OXCT1: variants seen among roughly 807,000 people sequenced by gnomAD.
OXCT1 encodes the protein succinyl-CoA:3-ketoacid coenzyme A transferase 1, mitochondrial.
In OXCT1, 27 loss-of-function variants were observed where a neutral mutation model predicts 69.6. That is an observed-to-expected ratio of 0.39 (90% CI 0.29 to 0.54). The LOEUF is 0.54. Ranked by LOEUF, OXCT1 falls within the 20% of genes least tolerant of loss-of-function variation. The probability of loss-of-function intolerance (pLI) is 0.72; values close to 1 mark genes in which losing one functional copy is unlikely to be tolerated. For missense variants in OXCT1, 437 were observed against 650.2 expected (o/e 0.67, Z 3.57); for synonymous variants, 202 against 217.8 (o/e 0.93, Z 0.64).
intron 7 of OXCT1, among the ~76,000 whole-genome samples, chr5:41,809,149 C>A (rs891305517): frequency 6.6e-6 from 1 of 151,766 alleles, no homozygotes. Context: ...TATAGAAATG[C>A]ACTTTGGGAT....
chr5:41,850,217 G>A (rs1412964523), intron 4 of OXCT1, 38 bp from the exon 5 acceptor site: 1 of 1,610,754 alleles, frequency 6.2e-7, no homozygotes. Flanking sequence ...AGTTCACTAA[G>A]CACACTTCTC....
Position 41,731,781 on chromosome 5 carries a change from AG to A in OXCT1, c.1522-12del. 1 of 1,606,310 alleles carries A rather than the reference AG, an allele frequency of 6.2e-7. No homozygotes were observed. The highest frequency in any genetic ancestry group is 8.5e-7 in the Non-Finnish European group (1 of 1,175,698). ...GAGTTTTGGTGAAACCTGGTAAAAG[AG>A]GAAAAAAAAATCAAATTATGAAAAA... On this transcript the variant is annotated splice_polypyrimidine_tract_variant and intron_variant, in intron 16 of 16. Transcript: ENST00000196371.
chr5:41,793,715 C>T (rs2112227678), intron 13 of OXCT1, among the ~76,000 whole-genome samples: 1 of 152,290 alleles, frequency 6.6e-6, no homozygotes, highest in East Asian at 1.9e-4. Context: ...TTCTTATTTT[C>T]AGAGTATAAT....
Position 41,739,480 on chromosome 5 carries a change from A to G in OXCT1, c.1431T>C (p.Asp477=), listed in dbSNP as rs745974297. The change falls in exon 16 of 17, where the codon GAT becomes GAC. Residue 477 remains aspartate (D), a synonymous_variant. Transcript: ENST00000196371. The stretch of plus-strand genomic sequence containing the variant: ...GAGTCAACCCTTTCTTCTTGTCCAC[A>G]TCAAACACAGCCTGTCAGAGTGGGA... The part of the protein sequence containing the change: ...NRIITEKAVF[D]VDKKKGLTLI... The G allele has an allele frequency of 6.2e-7, 1 of 1,610,790 alleles. No individual in the cohort carries two copies. The highest frequency in any genetic ancestry group is 1.1e-5 in the South Asian group (1 of 91,016).
intron 14 of OXCT1, among the ~76,000 whole-genome samples, chr5:41,759,288 G>A (rs1020194456): frequency 6.6e-6 from 1 of 152,014 alleles, no homozygotes; most frequent in Non-Finnish European, 1.5e-5. Context: ...GAGGATCAAT[G>A]AGATTAAGCA....
intron 7 of OXCT1, among the ~76,000 whole-genome samples, chr5:41,827,673 G>A (rs1212736435): frequency 6.6e-6 from 1 of 152,116 alleles, no homozygotes; most frequent in African/African-American, 2.4e-5. Flanking sequence ...TGCTTAAGAG[G>A]ATCGGTGCAA....
At chr5:41,831,551 T>C (rs539991700) in intron 7 of OXCT1, among the ~76,000 whole-genome samples, 1 of 152,276 alleles carries the variant, frequency 6.6e-6, no homozygotes, top group Non-Finnish European at 1.5e-5. Flanking sequence ...GGGCAGTGAG[T>C]TTTGCTTTGT....
intron 7 of OXCT1, among the ~76,000 whole-genome samples, chr5:41,821,512 A>G (rs959276909): frequency 6.6e-6 from 1 of 152,204 alleles, no homozygotes; most frequent in Non-Finnish European, 1.5e-5. Flanking sequence ...GAGTTTGTTT[A>G]TTTGTATAAG....
At chr5:41,776,345 G>A (rs1403354399) in intron 13 of OXCT1, among the ~76,000 whole-genome samples, 1 of 152,190 alleles carries the variant, frequency 6.6e-6, no homozygotes, top group East Asian at 1.9e-4. Flanking sequence ...AAAACTGGGT[G>A]GGGGGAATAT....
chr5:41,780,871 G>C (rs776271458), intron 13 of OXCT1, among the ~76,000 whole-genome samples: 22 of 151,614 alleles, frequency 1.5e-4, no homozygotes, highest in Non-Finnish European at 2.4e-4. Context: ...TTCATGTTTC[G>C]TGTACTGCAC....
chr5:41,742,921 T>C (rs1743252835), intron 15 of OXCT1, among the ~76,000 whole-genome samples: 1 of 152,232 alleles, frequency 6.6e-6, no homozygotes, highest in South Asian at 2.1e-4. Context: ...CTATTGTGAA[T>C]AGTGCCACAA....
chr5:41,739,802 C>A (rs563917998), intron 15 of OXCT1: 3 of 333,318 alleles, frequency 9.0e-6, no homozygotes, highest in African/African-American at 6.6e-5. Context: ...ACCCGAGAGG[C>A]GGAGCTTGCA....
chr5:41,868,745 C>A (rs1415848373), intron 1 of OXCT1, among the ~76,000 whole-genome samples: 1 of 151,556 alleles, frequency 6.6e-6, no homozygotes, highest in Non-Finnish European at 1.5e-5. Flanking sequence ...ACAATAAGGG[C>A]ACTAAGAGCC....
chr5:41,789,577 C>T (rs13153468), intron 13 of OXCT1, among the ~76,000 whole-genome samples: 27,756 of 152,062 alleles, frequency 0.18, 2,754 homozygotes, highest in Middle Eastern at 0.29. Context: ...AGTAAAGAAC[C>T]AGTATTTAAG....
chr5:41,736,444 T>C (rs1742888705), intron 16 of OXCT1, among the ~76,000 whole-genome samples: 1 of 152,108 alleles, frequency 6.6e-6, no homozygotes, highest in African/African-American at 2.4e-5. Context: ...TTAAAAATCA[T>C]ATTTTTTCCA....
intron 2 of OXCT1, 125 bp from the exon 3 acceptor site, chr5:41,861,529 TAC>T (rs1248219617): frequency 1.5e-5 from 11 of 731,236 alleles, no homozygotes; most frequent in Non-Finnish European, 2.7e-5. Context: ...CTAAGCAAAA[TAC>T]ACAGATATAT....
chr5:41,826,785 C>T (rs1040442379), intron 7 of OXCT1, among the ~76,000 whole-genome samples: 1 of 152,102 alleles, frequency 6.6e-6, no homozygotes, highest in Non-Finnish European at 1.5e-5. Context: ...CCCCTCTAAG[C>T]ACTACAATAA....
intron 1 of OXCT1, among the ~76,000 whole-genome samples, chr5:41,866,812 G>A (rs78349370): frequency 0.014 from 2,123 of 152,280 alleles, 67 homozygotes; most frequent in African/African-American, 0.048. Context: ...TCAGTGCTCC[G>A]AAGGAGCACA....
intron 7 of OXCT1, among the ~76,000 whole-genome samples, chr5:41,822,897 GT>G (rs1747628055): frequency 6.6e-6 from 1 of 152,178 alleles, no homozygotes; most frequent in African/African-American, 2.4e-5. Context: ...TTAATCCACT[GT>G]GAGTCTTAAT....
Sources: gnomAD v4.1 joint callset for allele counts (sites outside exome capture counted in the v4.1 genomes callset) on GRCh38, gnomAD v4.1.1 for gene constraint, MANE v1.5 for transcripts, NCBI Gene and HGNC (gene_info 2026-07-23, HGNC 2026-07-21) for gene names.